PDZRN3: variants seen among roughly 807,000 people sequenced by gnomAD.
The protein encoded by PDZRN3 is E3 ubiquitin-protein ligase PDZRN3.
Under a neutral mutation model 85.7 loss-of-function variants are expected in PDZRN3, and 38 were observed. That is an observed-to-expected ratio of 0.44 (90% CI 0.34 to 0.58). The LOEUF (loss-of-function observed/expected upper bound fraction) is 0.58, where lower values mean the gene tolerates loss of function less well. PDZRN3 is among the 20% of genes least tolerant of loss of function. The probability of loss-of-function intolerance (pLI) is 0.01; values close to 1 mark genes in which losing one functional copy is unlikely to be tolerated. For synonymous variants in PDZRN3, 759 were observed against 638.0 expected (o/e 1.19, Z -2.86); for missense variants, 1,629 against 1,506.4 (o/e 1.08, Z -1.35).
chr3:73,492,885 C>T (rs72886019), intron 3 of PDZRN3, among the ~76,000 whole-genome samples: 37,194 of 151,554 alleles, frequency 0.25, 6,078 homozygotes, highest in African/African-American at 0.47. Context: ...ATCATATGTA[C>T]CACATAAATA....
intron 9 of PDZRN3, among the ~76,000 whole-genome samples, chr3:73,385,226 T>C (rs990506829): frequency 6.6e-6 from 1 of 150,938 alleles, no homozygotes; most frequent in East Asian, 1.9e-4. Context: ...AGTACACAGG[T>C]AGAAGGATGT....
intron 3 of PDZRN3, among the ~76,000 whole-genome samples, chr3:73,420,747 T>C (rs1018682605): frequency 1.4e-4 from 22 of 152,202 alleles, no homozygotes; most frequent in Non-Finnish European, 2.9e-5. Flanking sequence ...TGCTGGCTTT[T>C]TCCTTCAACC....
chr3:73,533,651 A>T (rs1704711980), intron 3 of PDZRN3, among the ~76,000 whole-genome samples: 1 of 152,112 alleles, frequency 6.6e-6, no homozygotes, highest in African/African-American at 2.4e-5. Context: ...AGTAACCACC[A>T]CTATCTTTGT....
intron 3 of PDZRN3, among the ~76,000 whole-genome samples, chr3:73,544,368 T>G (rs770840003): frequency 6.6e-5 from 10 of 152,228 alleles, no homozygotes; most frequent in Admixed American, 2.0e-4. Flanking sequence ...CAATGCATTT[T>G]GAACTGTTAC....
rs747504737 is a variant in PDZRN3, at chr3:73,383,572, G to A, written c.2994C>T (p.Ser998=). ...QRRRREFMMQ[S]RLDCLKEQQA... ...GCTGCTCCTTGAGACAATCCAACCT[G>A]CTCTGCATCATGAACTCGCGCCGCC... The change falls in exon 10 of 10, where the codon AGC becomes AGT. Residue 998 remains serine, a synonymous_variant. Coordinates refer to ENST00000263666, the MANE Select transcript of PDZRN3 (RefSeq NM_015009.3). 4.3e-6 allele frequency: 7 copies of A among 1,613,958 alleles called. No individual in the cohort carries two copies. Among genetic ancestry groups the A allele is most frequent in the Non-Finnish European group, 5.9e-6 (7 of 1,180,034 alleles).
At chr3:73,585,885 C>T (rs1171897421) in intron 3 of PDZRN3, among the ~76,000 whole-genome samples, 1 of 152,124 alleles carries the variant, frequency 6.6e-6, no homozygotes, top group African/African-American at 2.4e-5. Flanking sequence ...AAAGCTGGCA[C>T]CTTCATAAGC....
At position 73,391,130 on chromosome 3, in the gene PDZRN3, G is replaced by A; in HGVS notation, c.1255-14C>T. ...GAGGTCCACTTCCTAGACAAAGAAA[G>A]GCATTCCCAGTGAGACTCCAGCAGG... On this transcript the variant is annotated splice_polypyrimidine_tract_variant and intron_variant, in intron 5 of 9. Coordinates refer to ENST00000263666, the MANE Select transcript of PDZRN3 (RefSeq NM_015009.3). 1.9e-6 allele frequency: 3 copies of A among 1,549,238 alleles called. No individual in the cohort carries two copies. The highest frequency in any genetic ancestry group is 2.7e-6 in the Non-Finnish European group (3 of 1,122,052).
At chr3:73,546,362 T>G (rs1486051943) in intron 3 of PDZRN3, among the ~76,000 whole-genome samples, 1 of 152,212 alleles carries the variant, frequency 6.6e-6, no homozygotes, top group African/African-American at 2.4e-5. Flanking sequence ...TTGCATCAAA[T>G]GATCGTCACT....
rs1438853220 is a variant in PDZRN3, at chr3:73,624,387, C to T, written c.439G>A (p.Gly147Arg). The T allele has an allele frequency of 3.8e-6, 5 of 1,312,462 alleles. No homozygotes were observed. Among genetic ancestry groups the T allele is most frequent in the Non-Finnish European group, 4.8e-6 (5 of 1,037,014 alleles). The allele number at this position is 1,312,462 out of a possible 1,614,324, so 81.3% of individuals were successfully genotyped here. A position where few individuals can be genotyped will look rare whatever the true frequency, so the allele number is the denominator to read the frequency against. ...TGCTCGCCGTGCGTCAAGGGTAGCC[C>T]GCAGCCCTCCTGGCAGCGGCCCACT... ...RPVGRCQEGC[G>R]LPLTHGEQRA... Residue 147 changes from glycine to arginine, a missense_variant, in exon 1 of 10, where the codon GGG becomes AGG. Transcript: ENST00000263666.
intron 3 of PDZRN3, among the ~76,000 whole-genome samples, chr3:73,471,963 GA>G (rs1703349452): frequency 6.6e-6 from 1 of 152,180 alleles, no homozygotes; most frequent in African/African-American, 2.4e-5. Context: ...GGTAGACAGG[GA>G]TAAGTTAGTG....
At chr3:73,401,134 T>C in intron 4 of PDZRN3, 125 bp from the exon 5 acceptor site, 2 of 698,818 alleles carry the variant, frequency 2.9e-6, no homozygotes, top group Non-Finnish European at 5.2e-6. Flanking sequence ...ATGACTCACT[T>C]CCCTCTGGAT....
intron 3 of PDZRN3, among the ~76,000 whole-genome samples, chr3:73,592,208 T>C (rs2106881400): frequency 6.6e-6 from 1 of 152,314 alleles, no homozygotes; most frequent in East Asian, 1.9e-4. Flanking sequence ...GAAACATATG[T>C]CCATTTCCTA....
intron 3 of PDZRN3, among the ~76,000 whole-genome samples, chr3:73,511,713 G>A (rs750745545): frequency 1.3e-5 from 2 of 152,142 alleles, no homozygotes; most frequent in Non-Finnish European, 2.9e-5. Context: ...GCTGGCAAAC[G>A]GCTAACAAAT....
chr3:73,530,204 G>A (rs529403450), intron 3 of PDZRN3, among the ~76,000 whole-genome samples: 2 of 152,154 alleles, frequency 1.3e-5, no homozygotes, highest in African/African-American at 2.4e-5. Flanking sequence ...TGAAGTTAAC[G>A]CTGGAATGCT....
chr3:73,601,341 A>G (rs941317666), intron 3 of PDZRN3, among the ~76,000 whole-genome samples: 1 of 152,172 alleles, frequency 6.6e-6, no homozygotes, highest in Non-Finnish European at 1.5e-5. Flanking sequence ...GGCCATGAAA[A>G]TACTCAGGAA....
intron 1 of PDZRN3, among the ~76,000 whole-genome samples, chr3:73,623,337 T>A (rs1461629675): frequency 6.6e-6 from 1 of 152,194 alleles, no homozygotes; most frequent in East Asian, 1.9e-4. Flanking sequence ...CAGTTTTAAC[T>A]CCAGAGGACT....
intron 3 of PDZRN3, among the ~76,000 whole-genome samples, chr3:73,475,940 C>T (rs1412701481): frequency 6.6e-6 from 1 of 152,228 alleles, no homozygotes; most frequent in East Asian, 1.9e-4. Context: ...GTACCACAGA[C>T]TGATTGCTTA....
intron 3 of PDZRN3, among the ~76,000 whole-genome samples, chr3:73,447,273 C>G (rs1413296897): frequency 6.6e-6 from 1 of 151,878 alleles, no homozygotes; most frequent in Non-Finnish European, 1.5e-5. Flanking sequence ...GAAATCGAAG[C>G]CTCGTGCCCT....
chr3:73,602,418 T>C lies in PDZRN3; in HGVS notation c.854A>G (p.Lys285Arg), dbSNP rs757138887. The change falls in exon 3 of 10, where the codon AAG becomes AGG. Residue 285 changes from lysine (K) to arginine (R), a missense_variant. Coordinates refer to ENST00000263666, the MANE Select transcript of PDZRN3 (RefSeq NM_015009.3). Reference sequence around the variant, plus strand: ...GGCTGCAGGCCCACTGTCAACTATCTTGGATACAAAGATTCCTTCACTGGA... The same window carrying C: ...GGCTGCAGGCCCACTGTCAACTATCCTGGATACAAAGATTCCTTCACTGGA... ...GSSSEGIFVSKIVDSGPAAKE... is the reference protein window; with the variant it reads ...GSSSEGIFVSRIVDSGPAAKE... 1 of 1,611,700 alleles carries C rather than the reference T, an allele frequency of 6.2e-7. No homozygotes were observed. Among genetic ancestry groups the C allele is most frequent in the Admixed American group, 1.7e-5 (1 of 59,980 alleles).
Sources: allele counts gnomAD v4.1 joint callset (sites outside exome capture counted in the v4.1 genomes callset), GRCh38; gene constraint gnomAD v4.1.1; transcripts MANE v1.5; gene names NCBI Gene and HGNC (gene_info 2026-07-23, HGNC 2026-07-21).